The following ALMS1 variants were observed in gnomAD, a reference collection of about 807,000 sequenced individuals.
ALMS1 encodes the protein ALMS1 centrosome and basal body associated protein, also known as centrosome-associated protein ALMS1.
In ALMS1, 271 loss-of-function variants were observed where a neutral mutation model predicts 352.2. The ratio of observed to expected loss-of-function variants is 0.77; its 90% confidence interval spans 0.70 to 0.85. ALMS1 has a LOEUF of 0.85. Ranked by LOEUF, ALMS1 falls within the 40% of genes least tolerant of loss-of-function variation. ALMS1 has a pLI of 0.00. For synonymous variants in ALMS1, 1,865 were observed against 1,761.2 expected, an observed-to-expected ratio of 1.06 and a Z score of -1.48; for missense variants, 5,445 against 4,870.7, an observed-to-expected ratio of 1.12 and a Z score of -3.51.
chr2:73,532,583 C>G (rs1673937934), intron 11 of ALMS1, among the ~76,000 whole-genome samples: 1 of 152,138 alleles, frequency 6.6e-6, no homozygotes, highest in African/African-American at 2.4e-5. Flanking sequence ...CTTTCGTCAC[C>G]TTGGGTGAAT....
rs369650940 is a variant in ALMS1 at position 73,490,240 on chromosome 2, C to G, written c.8281C>G (p.Pro2761Ala). The change falls in exon 10 of 23, where the codon CCC becomes GCC. Residue 2761 changes from proline (P) to alanine (A), a missense_variant. Coordinates refer to ENST00000613296, the MANE Select transcript of ALMS1 (RefSeq NM_001378454.1). ...TCATTTCACTGAAGAACAAAATCCTCCCAGAGATCTTAAACAGAAAACCTC... is the reference window on the plus strand; with the variant it reads ...TCATTTCACTGAAGAACAAAATCCTGCCAGAGATCTTAAACAGAAAACCTC... ...NSHFTEEQNP[P>A]RDLKQKTSSP... 61 of 1,613,952 alleles carry G rather than the reference C, an allele frequency of 3.8e-5. No individual in the cohort carries two copies. The African/African-American group carries it at 6.3e-4, about 17-fold the overall frequency.
At chr2:73,412,432 C>G (rs571296791) in intron 2 of ALMS1, among the ~76,000 whole-genome samples, 2 of 152,254 alleles carry the variant, frequency 1.3e-5, no homozygotes, top group Admixed American at 1.3e-4. Flanking sequence ...ATTTTTATTA[C>G]TGAGTAGTAT....
intron 2 of ALMS1, among the ~76,000 whole-genome samples, chr2:73,411,545 C>A (rs936849449): frequency 4.6e-5 from 7 of 151,974 alleles, no homozygotes; most frequent in Non-Finnish European, 1.0e-4. Context: ...TCCTTTTTTT[C>A]CTGTTTCACA....
intron 9 of ALMS1, among the ~76,000 whole-genome samples, chr2:73,487,269 G>T (rs1049313889): frequency 7.2e-5 from 11 of 152,190 alleles, no homozygotes; most frequent in Non-Finnish European, 1.2e-4. Context: ...GGTGAGGGGT[G>T]TGTGGGCAAG....
At chr2:73,530,894 G>T (rs1673896504) in intron 11 of ALMS1, among the ~76,000 whole-genome samples, 1 of 152,218 alleles carries the variant, frequency 6.6e-6, no homozygotes, top group African/African-American at 2.4e-5. Context: ...TTAGCCACAG[G>T]TGGAGCTGGA....
chr2:73,607,810 ATT>A (rs537392249), intron 21 of ALMS1, among the ~76,000 whole-genome samples: 29 of 131,406 alleles, frequency 2.2e-4, no homozygotes, highest in Admixed American at 2.3e-4. Context: ...TGCCCACCTA[ATT>A]TTTTTTTTTT....
At chr2:73,581,925 GTAGA>G (rs770580159) in intron 16 of ALMS1, among the ~76,000 whole-genome samples, 2 of 152,006 alleles carry the variant, frequency 1.3e-5, no homozygotes, top group Non-Finnish European at 2.9e-5. Context: ...TTGTATTTTA[GTAGA>G]GACAGGGTTT....
In ALMS1 at chr2:73,447,992, A is replaced by T; in HGVS notation, c.1465A>T (p.Thr489Ser). The T allele has an allele frequency of 1.9e-6, 3 of 1,613,410 alleles. No homozygotes were observed. The highest frequency in any genetic ancestry group is 2.5e-6 in the Non-Finnish European group (3 of 1,179,646). The part of the protein sequence containing the change: ...DTSKGGIAKV[T>S]QSNLKSGITT... ...TTCTAAAGGAGGCATAGCTAAAGTT[A>T]CTCAATCCAACTTGAAGTCAGGCAT... The change falls in exon 8 of 23, where the codon ACT becomes TCT. Residue 489 changes from threonine (T) to serine (S), a missense_variant. Transcript: ENST00000613296.
At chr2:73,401,836 C>G (rs576981878) in intron 1 of ALMS1, among the ~76,000 whole-genome samples, 1 of 152,224 alleles carries the variant, frequency 6.6e-6, no homozygotes, top group South Asian at 2.1e-4. Context: ...CCTGCATCTC[C>G]CCATTTCCTC....
chr2:73,532,638 C>T (rs1465463685), intron 11 of ALMS1, among the ~76,000 whole-genome samples: 1 of 152,216 alleles, frequency 6.6e-6, no homozygotes, highest in Non-Finnish European at 1.5e-5. Flanking sequence ...GGCCTCCCTT[C>T]TGGCCCAGGG....
chr2:73,424,664 CAA>C lies in ALMS1; in HGVS notation c.1001_1002del (p.Lys334ArgfsTer3). ...ISSVDELKIP[K>X]DCDRYDDLCS... ...CGTCTGTTGATGAACTGAAAATTCC[CAA>C]AGACTGTGATCGTTATGATGATCTT... On this transcript the variant is annotated frameshift_variant, in exon 5 of 23. Coordinates refer to ENST00000613296, the MANE Select transcript of ALMS1 (RefSeq NM_001378454.1). LOFTEE classifies it high-confidence loss of function. The C allele has an allele frequency of 6.2e-7, 1 of 1,613,980 alleles. No individual in the cohort carries two copies. The highest frequency in any genetic ancestry group is 2.2e-5 in the East Asian group (1 of 44,852).
intron 10 of ALMS1, among the ~76,000 whole-genome samples, chr2:73,508,048 C>T (rs1034469417): frequency 3.3e-5 from 5 of 152,198 alleles, no homozygotes; most frequent in African/African-American, 1.2e-4. Flanking sequence ...AGTAGTCATT[C>T]AGGAGCAGGT....
Position 73,450,372 on chromosome 2 carries a change from C to T in ALMS1, c.3845C>T (p.Thr1282Ile), listed in dbSNP as rs750440037. ...CAGACAACTGGCACACCAGCTGTAACCTCTACTTCCTACTCACAATATAGA... is the reference window on the plus strand; with the variant it reads ...CAGACAACTGGCACACCAGCTGTAATCTCTACTTCCTACTCACAATATAGA... ...VDQTTGTPAV[T>I]STSYSQYREK... The change falls in exon 8 of 23, where the codon ACC becomes ATC. Residue 1282 changes from threonine (T) to isoleucine (I), a missense_variant. Transcript: ENST00000613296. The T allele has an allele frequency of 6.2e-7, 1 of 1,613,060 alleles. No individual in the cohort carries two copies.
At chr2:73,436,408 G>T (rs1333702158) in intron 7 of ALMS1, among the ~76,000 whole-genome samples, 1 of 152,118 alleles carries the variant, frequency 6.6e-6, no homozygotes, top group Non-Finnish European at 1.5e-5. Context: ...CAGATGTATA[G>T]TTAATATCTT....
At chr2:73,386,300 G>A (rs1215440102) in intron 1 of ALMS1, 108 bp downstream of exon 1, 3 of 1,387,766 alleles carry the variant, frequency 2.2e-6, no homozygotes, top group Non-Finnish European at 2.8e-6. Flanking sequence ...GAGAAAACGC[G>A]CGCAGCTGAG....
In ALMS1 at chr2:73,479,690, C is replaced by T. The variant is rs564546157; in HGVS notation, c.7675-9944C>T. Among the ~76,000 whole-genome samples the T allele has an allele frequency of 4.6e-5, 7 of 152,288 alleles. No homozygotes were observed. In the South Asian group the frequency reaches 1.2e-3, roughly 27 times the overall value. On this transcript the variant is annotated intron_variant, in intron 9 of 22. Transcript: ENST00000613296. ...TACAGCTGCTGTAAACATTCATATG[C>T]AAGTTTTTGTGTGAATATGTCTTTG...
intron 12 of ALMS1, among the ~76,000 whole-genome samples, chr2:73,536,887 T>A (rs1261994419): frequency 6.6e-6 from 1 of 152,218 alleles, no homozygotes; most frequent in Non-Finnish European, 1.5e-5. Flanking sequence ...CTAAGCACAG[T>A]AAGCGTTAGC....
chr2:73,435,311 C>G (rs530920942), intron 7 of ALMS1, among the ~76,000 whole-genome samples: 2 of 152,038 alleles, frequency 1.3e-5, no homozygotes, highest in South Asian at 4.2e-4. Context: ...GTCTTGTGTC[C>G]TTTTTCTGTT....
In ALMS1 at chr2:73,453,344, G is replaced by T; in HGVS notation, c.6817G>T (p.Ala2273Ser). Reference protein sequence around the residue: ...RTLLMEAENMALKRCNFPAPL... With the variant: ...RTLLMEAENMSLKRCNFPAPL... ...ACTTTTGATGGAGGCAGAAAATATG[G>T]CACTGAAACGATGCAATTTTCCTGC... The change falls in exon 8 of 23, where the codon GCA (alanine) becomes TCA (serine). Residue 2273 changes from alanine (A) to serine (S), a missense_variant. Ala to Ser is a moderately conservative substitution (Grantham distance 99). Transcript: ENST00000613296. 6.2e-7 allele frequency: 1 copy of T among 1,613,842 alleles called. No individual in the cohort carries two copies. Among genetic ancestry groups the T allele is most frequent in the Non-Finnish European group, 8.5e-7 (1 of 1,179,950 alleles).
Sources: gnomAD v4.1 joint callset for allele counts (sites outside exome capture counted in the v4.1 genomes callset) on GRCh38, gnomAD v4.1.1 for gene constraint, MANE v1.5 for transcripts, NCBI Gene and HGNC (gene_info 2026-07-23, HGNC 2026-07-21) for gene names.